DERA: variants seen among roughly 807,000 people sequenced by gnomAD.
The protein encoded by DERA is 2-deoxy-D-ribose 5-phosphate aldolase.
DERA carries 15 observed loss-of-function variants against 41.1 expected under a neutral mutation model. The observed-to-expected ratio is 0.37, with a 90% CI of 0.24 to 0.56. The LOEUF (loss-of-function observed/expected upper bound fraction) is 0.56. Among genes scored for constraint, DERA ranks in the 20% least tolerant of loss-of-function variants. The probability of loss-of-function intolerance (pLI) is 0.81; values close to 1 mark genes in which losing one functional copy is unlikely to be tolerated. For synonymous variants in DERA, 139 were observed against 137.4 expected (o/e 1.01, Z -0.08); for missense variants, 396 against 403.4 (o/e 0.98, Z 0.16).
Position 15,915,199 on chromosome 12 carries a change from T to C in DERA, c.31+3785T>C, listed in dbSNP as rs1948190677. ...AAGTGTGATGTGCAATTATTTTTCATTTATTTTTGTCTAAAATTAGATAGA... is the reference window on the plus strand; with the variant it reads ...AAGTGTGATGTGCAATTATTTTTCACTTATTTTTGTCTAAAATTAGATAGA... On this transcript the variant is annotated intron_variant, in intron 1 of 8. Coordinates refer to ENST00000428559, the MANE Select transcript of DERA (RefSeq NM_015954.4). This position sits in a 1 kb window ranked among gnomAD's most constrained non-coding sequence, Gnocchi z 4.8. 6.6e-6 allele frequency among the ~76,000 whole-genome samples: 1 copy of C among 152,218 alleles called. No individual in the cohort carries two copies. The highest frequency in any genetic ancestry group is 1.5e-5 in the Non-Finnish European group (1 of 68,044).
chr12:15,942,843 T>A (rs1948418515), intron 1 of DERA, among the ~76,000 whole-genome samples: 1 of 152,232 alleles, frequency 6.6e-6, no homozygotes, highest in South Asian at 2.1e-4. Flanking sequence ...AAATGCATCT[T>A]GGTTTATTTT....
chr12:15,942,596 G>A (rs1027910106), intron 1 of DERA, among the ~76,000 whole-genome samples: 3 of 152,152 alleles, frequency 2.0e-5, no homozygotes, highest in Admixed American at 2.0e-4. Context: ...AGTTTTCCTA[G>A]CACCATTTAT....
intron 1 of DERA, among the ~76,000 whole-genome samples, chr12:15,950,651 A>G (rs997550489): frequency 6.6e-6 from 1 of 152,164 alleles, no homozygotes; most frequent in African/African-American, 2.4e-5. Flanking sequence ...GTTTCCCTAT[A>G]TGATGGCCTC....
intron 5 of DERA, among the ~76,000 whole-genome samples, chr12:15,964,255 G>T (rs1361466451): frequency 6.6e-6 from 1 of 152,160 alleles, no homozygotes; most frequent in East Asian, 1.9e-4. Context: ...CCGTTGGCCT[G>T]AGCTGAGTGA....
At chr12:16,024,904 A>C (rs966610923) in intron 6 of DERA, among the ~76,000 whole-genome samples, 2 of 152,304 alleles carry the variant, frequency 1.3e-5, no homozygotes, top group African/African-American at 2.4e-5. Context: ...AGGTAAGCTG[A>C]AATGAATGAC....
chr12:15,933,619 T>C (rs1454567731), intron 1 of DERA, among the ~76,000 whole-genome samples: 3 of 152,156 alleles, frequency 2.0e-5, no homozygotes, highest in African/African-American at 7.2e-5. Context: ...CATATCGGTA[T>C]ACCCATGCAA....
intron 1 of DERA, among the ~76,000 whole-genome samples, chr12:15,914,211 A>G (rs558184373): frequency 2.0e-5 from 3 of 152,088 alleles, no homozygotes; most frequent in South Asian, 2.1e-4. Context: ...GCAAAACCCT[A>G]TCTCTACTAA....
chr12:15,989,316 T>A lies in DERA; in HGVS notation c.637+6880T>A, dbSNP rs139023141. Reference sequence around the variant, plus strand: ...ACTGCTGCCATCACTTTGATCCTTATTTTCTATTTCAAATTGGCTTTTAAG... The same window carrying A: ...ACTGCTGCCATCACTTTGATCCTTAATTTCTATTTCAAATTGGCTTTTAAG... On this transcript the variant is annotated intron_variant, in intron 6 of 8. Coordinates refer to ENST00000428559, the MANE Select transcript of DERA (RefSeq NM_015954.4). The surrounding 1 kb of genome is among the most constrained non-coding windows in gnomAD (Gnocchi z 5.2). 0.01 allele frequency among the ~76,000 whole-genome samples: 1,555 copies of A among 152,366 alleles called. 26 individuals carry two copies. The highest frequency in any genetic ancestry group is 0.035 in the African/African-American group (1,460 of 41,576).
At chr12:15,939,414 CA>C (rs973007309) in intron 1 of DERA, among the ~76,000 whole-genome samples, 3 of 152,116 alleles carry the variant, frequency 2.0e-5, no homozygotes, top group African/African-American at 7.2e-5. Context: ...AAAAGACAGT[CA>C]AAAGAGACAA....
chr12:15,962,439 T>G (rs1948594092), intron 4 of DERA, among the ~76,000 whole-genome samples: 1 of 152,218 alleles, frequency 6.6e-6, no homozygotes, highest in South Asian at 2.1e-4. Flanking sequence ...AGAACTAGTG[T>G]GCTAGATAAC....
chr12:16,028,172 G>C (rs1368604479), intron 6 of DERA, among the ~76,000 whole-genome samples: 1 of 152,144 alleles, frequency 6.6e-6, no homozygotes, highest in Non-Finnish European at 1.5e-5. Context: ...TGGAGAAATG[G>C]CTTATACCAG....
At chr12:16,034,951 C>A (rs1164990355) in intron 7 of DERA, among the ~76,000 whole-genome samples, 1 of 20,844 alleles carries the variant, frequency 4.8e-5, no homozygotes, top group African/African-American at 2.0e-4. Flanking sequence ...CTACTTAACC[C>A]CCTACTACCT....
intron 1 of DERA, chr12:15,956,734 G>A (rs1391542950): frequency 1.5e-6 from 1 of 653,394 alleles, no homozygotes; most frequent in Non-Finnish European, 2.8e-6. Flanking sequence ...GTAATGGAGT[G>A]ATTTTGCATG....
At chr12:16,025,131 G>A (rs1300339686) in intron 6 of DERA, among the ~76,000 whole-genome samples, 1 of 151,992 alleles carries the variant, frequency 6.6e-6, no homozygotes, top group Non-Finnish European at 1.5e-5. Context: ...GCCAGGAAAG[G>A]CAGAAAAATA....
Position 16,009,708 on chromosome 12 carries a change from TA to T in DERA, c.638-22832del, listed in dbSNP as rs755475126. On this transcript the variant is annotated intron_variant, in intron 6 of 8. Coordinates refer to ENST00000428559, the MANE Select transcript of DERA (RefSeq NM_015954.4). This position sits in a 1 kb window ranked among gnomAD's most constrained non-coding sequence, Gnocchi z 5.3. Reference sequence around the variant, plus strand: ...ATTCATTTTGGATTTTGACATTTAATAACCTTCCTGAAATACATGGGAGAAA... The same window carrying T: ...ATTCATTTTGGATTTTGACATTTAATACCTTCCTGAAATACATGGGAGAAA... Among the ~76,000 whole-genome samples, 3 of 152,198 alleles carry T rather than the reference TA, an allele frequency of 2.0e-5. No individual in the cohort carries two copies. Among genetic ancestry groups the T allele is most frequent in the Non-Finnish European group, 2.9e-5 (2 of 68,036 alleles).
chr12:15,918,854 G>C lies in DERA; in HGVS notation c.31+7440G>C, dbSNP rs1228906436. Among the ~76,000 whole-genome samples the C allele has an allele frequency of 1.3e-5, 2 of 152,134 alleles. No individual in the cohort carries two copies. Among genetic ancestry groups the C allele is most frequent in the African/African-American group, 2.4e-5 (1 of 41,414 alleles). ...TGGAGAGGATGTTTCTGACGGAGTA[G>C]TTTCTACAAAGGGACTAGCAAAAGC... On this transcript the variant is annotated intron_variant, in intron 1 of 8. Transcript: ENST00000428559. This position sits in a 1 kb window ranked among gnomAD's most constrained non-coding sequence, Gnocchi z 4.3.
intron 1 of DERA, among the ~76,000 whole-genome samples, chr12:15,916,717 C>T (rs1331849359): frequency 6.6e-6 from 1 of 152,166 alleles, no homozygotes; most frequent in Non-Finnish European, 1.5e-5. Flanking sequence ...TCCCAAAGTA[C>T]TGGGATTACA....
chr12:16,026,942 T>C lies in DERA; in HGVS notation c.638-5600T>C, dbSNP rs1217987715. 6.6e-6 allele frequency among the ~76,000 whole-genome samples: 1 copy of C among 152,098 alleles called. No individual in the cohort carries two copies. The highest frequency in any genetic ancestry group is 1.5e-5 in the Non-Finnish European group (1 of 67,992). On this transcript the variant is annotated intron_variant, in intron 6 of 8. Transcript: ENST00000428559. The surrounding 1 kb of genome is among the most constrained non-coding windows in gnomAD (Gnocchi z 4.4). ...TTAGCAAAATGAGTCCAACAATGTA[T>C]AAAACTAATTATATGCCACAACCAA...
rs34468299 is a variant in DERA, at chr12:15,996,157, A to ATG, written c.637+13755_637+13756dup. The stretch of plus-strand genomic sequence containing the variant: ...GCAGACACAGACACACACACAGAGC[A>ATG]TGTGTGTGTGTGTGTGTGTGTGTGT... On this transcript the variant is annotated intron_variant, in intron 6 of 8. Transcript: ENST00000428559. The surrounding 1 kb of genome is among the most constrained non-coding windows in gnomAD (Gnocchi z 4.7). Among the ~76,000 whole-genome samples, 16,694 of 144,972 alleles carry ATG rather than the reference A, an allele frequency of 0.12. 948 individuals are homozygous for ATG. Among genetic ancestry groups the ATG allele is most frequent in the East Asian group, 0.17 (800 of 4,790 alleles).
Sources: gnomAD v4.1 joint callset for allele counts (sites outside exome capture counted in the v4.1 genomes callset) on GRCh38, gnomAD v4.1.1 for gene constraint, Gnocchi (gnomAD v3.1) non-coding constraint, MANE v1.5 for transcripts, NCBI Gene and HGNC (gene_info 2026-07-23, HGNC 2026-07-21) for gene names.